The following PRKG1 variants were observed in gnomAD, a reference collection of about 807,000 sequenced individuals.
The protein encoded by PRKG1 is cGMP-dependent protein kinase 1.
Under a neutral mutation model 88.1 loss-of-function variants are expected in PRKG1, and 35 were observed. That is an observed-to-expected ratio of 0.40 (90% CI 0.30 to 0.53). The LOEUF is 0.53. Ranked by LOEUF, PRKG1 falls within the 20% of genes least tolerant of loss-of-function variation. The probability of loss-of-function intolerance (pLI) is 0.59; values close to 1 mark genes in which losing one functional copy is unlikely to be tolerated. For missense variants in PRKG1, 540 were observed against 839.8 expected, an observed-to-expected ratio of 0.64 and a Z score of 4.41; for synonymous variants, 303 against 292.5, an observed-to-expected ratio of 1.04 and a Z score of -0.37.
At chr10:52,001,435 A>G (rs1307386823) in intron 5 of PRKG1, among the ~76,000 whole-genome samples, 8 of 152,028 alleles carry the variant, frequency 5.3e-5, no homozygotes, top group African/African-American at 1.7e-4. Flanking sequence ...TTTACAATGT[A>G]TATACCTACA....
intron 4 of PRKG1, among the ~76,000 whole-genome samples, chr10:51,860,841 A>T (rs1276239148): frequency 2.6e-5 from 4 of 152,234 alleles, no homozygotes; most frequent in Non-Finnish European, 5.9e-5. Flanking sequence ...AAAGCATATA[A>T]GAAAAGGCTT....
rs189595067 is a variant in PRKG1, at chr10:51,710,047, A to G, written c.593-94538A>G. On this transcript the variant is annotated intron_variant, in intron 3 of 17. Transcript: ENST00000373980. Reference sequence around the variant, plus strand: ...TATACTCTGTGGAAGGTAGGCACACAGTTGAACAATATGGGAGTTTAAATG... The same window carrying G: ...TATACTCTGTGGAAGGTAGGCACACGGTTGAACAATATGGGAGTTTAAATG... Among the ~76,000 whole-genome samples, 15 of 152,332 alleles carry G rather than the reference A, an allele frequency of 9.8e-5. No individual in the cohort carries two copies. In the South Asian group the frequency reaches 2.7e-3, roughly 27 times the overall value.
intron 3 of PRKG1, among the ~76,000 whole-genome samples, chr10:51,717,884 C>T (rs1841924213): frequency 6.6e-6 from 1 of 151,566 alleles, no homozygotes; most frequent in African/African-American, 2.4e-5. Flanking sequence ...ACAGACAGCA[C>T]ATTACAAGTC....
intron 14 of PRKG1, among the ~76,000 whole-genome samples, chr10:52,284,653 A>C (rs1026310983): frequency 6.6e-6 from 1 of 152,118 alleles, no homozygotes; most frequent in Admixed American, 6.6e-5. Context: ...TTGGTCCTGA[A>C]TGTCATATCT....
intron 4 of PRKG1, among the ~76,000 whole-genome samples, chr10:51,805,395 TA>T (rs1395468548): frequency 7.9e-5 from 12 of 152,000 alleles, no homozygotes; most frequent in Non-Finnish European, 1.6e-4. Flanking sequence ...TATTTTATTT[TA>T]AAGAAAATAT....
chr10:51,106,161 T>G (rs1018624340), intron 1 of PRKG1, among the ~76,000 whole-genome samples: 1 of 152,236 alleles, frequency 6.6e-6, no homozygotes, highest in African/African-American at 2.4e-5. Context: ...TTATTAAGCC[T>G]CTCTATGCCT....
intron 2 of PRKG1, among the ~76,000 whole-genome samples, chr10:51,220,373 G>C (rs903100167): frequency 7.2e-5 from 11 of 152,140 alleles, no homozygotes; most frequent in African/African-American, 2.4e-4. Flanking sequence ...TAAGCCACTA[G>C]GTTTCCATGA....
intron 1 of PRKG1, among the ~76,000 whole-genome samples, chr10:51,064,009 C>A (rs1039405778): frequency 6.6e-6 from 1 of 152,000 alleles, no homozygotes; most frequent in Non-Finnish European, 1.5e-5. Context: ...GTACAAATTT[C>A]TCTTGTCATG....
At position 51,897,258 on chromosome 10, in the gene PRKG1, G is replaced by T. The variant is rs1028421630; in HGVS notation, c.699-10249G>T. 8.5e-5 allele frequency among the ~76,000 whole-genome samples: 13 copies of T among 152,246 alleles called. No homozygotes were observed. In the South Asian group the frequency reaches 2.1e-3, roughly 24 times the overall value. On this transcript the variant is annotated intron_variant, in intron 4 of 17. Coordinates refer to ENST00000373980, the MANE Select transcript of PRKG1 (RefSeq NM_006258.4). ...TTTTTTTAGTAAGTCCGAGATTTCT[G>T]CTTTTATTCTTTTATTCTGTAAGGA...
chr10:52,027,088 C>T (rs1845360413), intron 5 of PRKG1, among the ~76,000 whole-genome samples: 1 of 152,126 alleles, frequency 6.6e-6, no homozygotes, highest in African/African-American at 2.4e-5. Flanking sequence ...AGACATGTAA[C>T]CTATAACTCA....
intron 3 of PRKG1, among the ~76,000 whole-genome samples, chr10:51,767,696 C>A (rs2132539065): frequency 6.6e-6 from 1 of 152,170 alleles, no homozygotes; most frequent in Admixed American, 6.6e-5. Context: ...AAAGCTTCAG[C>A]ATATGAAAAT....
chr10:51,975,966 A>G (rs1026917432), intron 5 of PRKG1, among the ~76,000 whole-genome samples: 2 of 152,054 alleles, frequency 1.3e-5, no homozygotes, highest in Non-Finnish European at 2.9e-5. Flanking sequence ...ATTTGCATAA[A>G]CATTTCAGCC....
At chr10:51,926,480 C>T (rs1842579699) in intron 5 of PRKG1, among the ~76,000 whole-genome samples, 1 of 152,046 alleles carries the variant, frequency 6.6e-6, no homozygotes, top group South Asian at 2.1e-4. Flanking sequence ...ACAGTTTATT[C>T]CGAGAAAAGC....
chr10:51,822,142 C>A (rs1489834524), intron 4 of PRKG1, among the ~76,000 whole-genome samples: 1 of 151,434 alleles, frequency 6.6e-6, no homozygotes, highest in East Asian at 1.9e-4. Flanking sequence ...GTATGTATGT[C>A]ATATGTATAT....
At chr10:51,932,616 G>A (rs1387964394) in intron 5 of PRKG1, among the ~76,000 whole-genome samples, 2 of 152,174 alleles carry the variant, frequency 1.3e-5, no homozygotes, top group African/African-American at 2.4e-5. Flanking sequence ...TAGGGACCAA[G>A]CGTGGGGTTT....
chr10:52,171,021 C>CAGCT (rs550727781), intron 9 of PRKG1, among the ~76,000 whole-genome samples: 88 of 152,132 alleles, frequency 5.8e-4, no homozygotes, highest in Middle Eastern at 3.4e-3. Context: ...GCCTCAGGGT[C>CAGCT]AGCTAGCTTC....
chr10:51,851,598 T>A (rs944527412), intron 4 of PRKG1, among the ~76,000 whole-genome samples: 15 of 152,310 alleles, frequency 9.8e-5, no homozygotes, highest in Admixed American at 5.2e-4. Flanking sequence ...TTAAATGTAT[T>A]ACCTATTCCA....
rs557632088 is a variant in PRKG1, at chr10:52,262,522, C to T, written c.1174-8828C>T. 1.1e-4 allele frequency among the ~76,000 whole-genome samples: 16 copies of T among 152,172 alleles called. No individual in the cohort carries two copies. In the South Asian group the frequency reaches 2.5e-3, roughly 24 times the overall value. ...CTGACCTCAAATGATCTGCCCATCT[C>T]GGCCTCCCAAAGTGCTGGGATTACA... is the stretch of plus-strand genomic sequence containing the variant. On this transcript the variant is annotated intron_variant, in intron 10 of 17. Transcript: ENST00000373980.
At chr10:51,013,891 A>G (rs772509264) in intron 1 of PRKG1, among the ~76,000 whole-genome samples, 30 of 152,324 alleles carry the variant, frequency 2.0e-4, no homozygotes, top group South Asian at 1.2e-3. Flanking sequence ...ACAACTGAGC[A>G]CTATTTGTTT....
Sources: allele counts gnomAD v4.1 joint callset (sites outside exome capture counted in the v4.1 genomes callset), GRCh38; gene constraint gnomAD v4.1.1; transcripts MANE v1.5; gene names NCBI Gene and HGNC (gene_info 2026-07-23, HGNC 2026-07-21).